The following KIF15 variants were observed in gnomAD, a reference collection of about 807,000 sequenced individuals.
KIF15 encodes the protein kinesin family member 15, also known as kinesin-like protein KIF15.
A neutral mutation model predicts 190.6 loss-of-function variants in KIF15; 140 were observed. The observed-to-expected ratio is 0.73, with a 90% CI of 0.64 to 0.84. The LOEUF (loss-of-function observed/expected upper bound fraction) is 0.84. KIF15 is among the 40% of genes least tolerant of loss of function. The pLI is 0.00. For synonymous variants in KIF15, 528 were observed against 551.3 expected (o/e 0.96, Z 0.59); for missense variants, 1,372 against 1,584.4 (o/e 0.87, Z 2.28).
chr3:44,800,259 G>A, intron 10 of KIF15, 55 bp from the exon 11 acceptor site: 1 of 1,540,448 alleles, frequency 6.5e-7, no homozygotes, highest in Non-Finnish European at 9.0e-7. Flanking sequence ...GTAAACACAG[G>A]ACTATACTAC....
rs773168672 is a variant in KIF15, at chr3:44,810,888, C to A, written c.2014C>A (p.Pro672Thr). ...PTKAYQLHSR[P>T]VPKLSPEMGS... ...CAAGGCCTACCAACTTCATTCCCGA[C>A]CAGTACCAAAATTAAGCCCTGAAAT... Residue 672 changes from proline (P) to threonine (T), a missense_variant, in exon 17 of 35, where the codon CCA becomes ACA. Pro to Thr is a conservative substitution (Grantham distance 38, BLOSUM62 -1). Coordinates refer to ENST00000326047, the MANE Select transcript of KIF15 (RefSeq NM_020242.3). 2.5e-6 allele frequency: 4 copies of A among 1,613,978 alleles called. No homozygotes were observed. The highest frequency in any genetic ancestry group is 3.4e-6 in the Non-Finnish European group (4 of 1,179,986).
chr3:44,829,472 A>C (rs1697872168), intron 24 of KIF15, among the ~76,000 whole-genome samples: 1 of 137,108 alleles, frequency 7.3e-6, no homozygotes, highest in South Asian at 2.1e-4. Flanking sequence ...ATATATGTAT[A>C]TAATATGTGT....
At position 44,784,170 on chromosome 3, in the gene KIF15, TA is replaced by T. The variant is rs386660621; in HGVS notation, c.362-673del. ...AGTGCTTTACCTTTACACTCTCAGT[TA>T]ATTCTTTCTTTTTGTTTTGAGACGG... On this transcript the variant is annotated intron_variant, in intron 5 of 34. Transcript: ENST00000326047. Among the ~76,000 whole-genome samples the T allele has an allele frequency of 6.2e-3, 948 of 152,288 alleles. 13 individuals are homozygous for T. The highest frequency in any genetic ancestry group is 0.021 in the African/African-American group (860 of 41,556).
intron 32 of KIF15, 119 bp downstream of exon 32, chr3:44,848,677 TAGATGTTTAC>T (rs1227096988): frequency 4.4e-6 from 2 of 450,002 alleles, no homozygotes; most frequent in East Asian, 7.9e-5. Flanking sequence ...GTGAATTTAA[TAGATGTTTAC>T]AGATTTTTTT....
At chr3:44,789,334 T>C (rs1176497469) in intron 7 of KIF15, among the ~76,000 whole-genome samples, 2 of 152,046 alleles carry the variant, frequency 1.3e-5, no homozygotes, top group Admixed American at 1.3e-4. Flanking sequence ...AGAAATGTGA[T>C]TTTAAATTCC....
intron 7 of KIF15, among the ~76,000 whole-genome samples, chr3:44,792,930 C>A (rs556603108): frequency 5.5e-4 from 84 of 152,158 alleles, no homozygotes; most frequent in African/African-American, 2.0e-3. Context: ...TTCAATATGC[C>A]CTTTGAGATA....
intron 30 of KIF15, among the ~76,000 whole-genome samples, chr3:44,843,500 A>T (rs948100700): frequency 4.6e-5 from 7 of 152,236 alleles, no homozygotes; most frequent in African/African-American, 1.7e-4. Context: ...AATTACTTAT[A>T]TTTAAAAAAA....
intron 15 of KIF15, 116 bp downstream of exon 15, chr3:44,805,284 A>G: frequency 1.1e-6 from 1 of 942,122 alleles, no homozygotes; most frequent in Non-Finnish European, 1.6e-6. Flanking sequence ...CTCTCATAGC[A>G]GCAACTACTT....
chr3:44,830,147 G>A, intron 25 of KIF15, 72 bp downstream of exon 25: 2 of 666,856 alleles, frequency 3.0e-6, no homozygotes, highest in South Asian at 2.5e-5. Context: ...GAGTTTAACA[G>A]ATGCTCCACC....
At chr3:44,801,261 C>T (rs973869595) in intron 11 of KIF15, among the ~76,000 whole-genome samples, 189 bp from the exon 12 acceptor site, 1 of 151,426 alleles carries the variant, frequency 6.6e-6, no homozygotes, top group African/African-American at 2.4e-5. Flanking sequence ...CTGCTGACCT[C>T]AAGAAAGATA....
chr3:44,774,878 T>C (rs1705800860), intron 2 of KIF15, among the ~76,000 whole-genome samples: 1 of 152,152 alleles, frequency 6.6e-6, no homozygotes, highest in South Asian at 2.1e-4. Context: ...GGTGGGCAGA[T>C]AACCTGAGGT....
intron 32 of KIF15, 105 bp downstream of exon 32, chr3:44,848,663 A>G: frequency 4.0e-6 from 2 of 500,166 alleles, no homozygotes; most frequent in Non-Finnish European, 3.5e-6. Flanking sequence ...TTCTGCAGTA[A>G]TAAGTGAATT....
chr3:44,856,301 T>A (rs1335447635), downstream of KIF15, among the ~76,000 whole-genome samples: 3 of 152,066 alleles, frequency 2.0e-5, no homozygotes, highest in African/African-American at 7.2e-5. Context: ...CCAAACTTGA[T>A]GTGTAGGGAA....
intron 1 of KIF15, among the ~76,000 whole-genome samples, chr3:44,772,179 C>T (rs898043051): frequency 3.9e-5 from 6 of 152,158 alleles, no homozygotes; most frequent in Admixed American, 2.6e-4. Context: ...TCACCAATTT[C>T]GTAACTGGAC....
chr3:44,786,520 C>T lies in KIF15; in HGVS notation c.585C>T (p.Val195=), dbSNP rs766637855. 2 of 1,613,192 alleles carry T rather than the reference C, an allele frequency of 1.2e-6. No homozygotes were observed. The highest frequency in any genetic ancestry group is 3.3e-5 in the Admixed American group (2 of 59,996). Reference sequence around the variant, plus strand: ...TAAGGGAGCATATCAAGAAGGGAGTCTTTGTTGTTGGTGCGGTGGAGCAGG... The same window carrying T: ...TAAGGGAGCATATCAAGAAGGGAGTTTTTGTTGTTGGTGCGGTGGAGCAGG... ...LYLREHIKKG[V]FVVGAVEQVV... is the part of the protein sequence containing the mutation. Residue 195 remains valine, a synonymous_variant, in exon 7 of 35, where the codon GTC becomes GTT. Transcript: ENST00000326047.
At chr3:44,849,176 T>C (rs1698973604) in intron 32 of KIF15, among the ~76,000 whole-genome samples, 2 of 152,190 alleles carry the variant, frequency 1.3e-5, no homozygotes, top group African/African-American at 4.8e-5. Flanking sequence ...CTTCAAACAT[T>C]TTTGCTTATT....
chr3:44,815,744 T>A (rs1301408134), intron 20 of KIF15, among the ~76,000 whole-genome samples: 1 of 152,266 alleles, frequency 6.6e-6, no homozygotes, highest in African/African-American at 2.4e-5. Context: ...TTTCTTTTTT[T>A]CTTCTTGCTA....
Position 44,801,972 on chromosome 3 carries a change from C to A in KIF15, c.1507C>A (p.Gln503Lys), listed in dbSNP as rs749430275. Residue 503 changes from glutamine (Q) to lysine (K), a missense_variant and splice_region_variant, in exon 13 of 35, where the codon CAA (glutamine) becomes AAA (lysine). By Grantham distance (53) the Gln-to-Lys change is moderately conservative. Coordinates refer to ENST00000326047, the MANE Select transcript of KIF15 (RefSeq NM_020242.3). Reference protein sequence around the residue: ...LRNEIQTLREQIEHHPRVAKY... With the variant: ...LRNEIQTLREKIEHHPRVAKY... ...GAATGAGATTCAAACTCTGCGAGAA[C>A]AAGTGAGTATACGGCATCTATAATA... 3.1e-6 allele frequency: 5 copies of A among 1,601,894 alleles called. No individual in the cohort carries two copies. In the Admixed American group the frequency reaches 5.0e-5, roughly 16 times the overall value.
chr3:44,771,873 A>T (rs981278828), intron 1 of KIF15, among the ~76,000 whole-genome samples: 1 of 152,206 alleles, frequency 6.6e-6, no homozygotes, highest in African/African-American at 2.4e-5. Flanking sequence ...ACTTGTTTAC[A>T]CATTTAGCTT....
Sources: allele counts gnomAD v4.1 joint callset (sites outside exome capture counted in the v4.1 genomes callset), GRCh38; gene constraint gnomAD v4.1.1; transcripts MANE v1.5; gene names NCBI Gene and HGNC (gene_info 2026-07-23, HGNC 2026-07-21).